The following WWC1 variants were observed in gnomAD, a reference collection of about 807,000 sequenced individuals.
WWC1 encodes protein KIBRA.
Under a neutral mutation model 138.4 loss-of-function variants are expected in WWC1, and 55 were observed. The observed-to-expected ratio is 0.40, with a 90% confidence interval of 0.32 to 0.50. The LOEUF (loss-of-function observed/expected upper bound fraction) is 0.50, where lower values mean the gene tolerates loss of function less well. Among genes scored for constraint, WWC1 ranks in the 20% least tolerant of loss-of-function variants. The probability of loss-of-function intolerance (pLI) is 0.72; values close to 1 mark genes in which losing one functional copy is unlikely to be tolerated. For missense variants in WWC1, 1,226 were observed against 1,420.4 expected (o/e 0.86, Z 2.20); for synonymous variants, 524 against 564.9 (o/e 0.93, Z 1.03).
chr5:168,429,431 G>A (rs761783310), intron 13 of WWC1, among the ~76,000 whole-genome samples: 12 of 151,660 alleles, frequency 7.9e-5, no homozygotes, highest in Non-Finnish European at 1.6e-4. Context: ...GCTAACTTTT[G>A]TATTTTTAAT....
intron 20 of WWC1, among the ~76,000 whole-genome samples, chr5:168,463,267 A>G (rs894314179): frequency 8.5e-5 from 13 of 152,186 alleles, no homozygotes; most frequent in African/African-American, 3.1e-4. Context: ...ATGGCCACAT[A>G]CTCATCTGGA....
chr5:168,407,289 C>G (rs141223259), intron 6 of WWC1, among the ~76,000 whole-genome samples: 8 of 152,078 alleles, frequency 5.3e-5, no homozygotes, highest in Middle Eastern at 3.4e-3. Context: ...TGTCTCATCT[C>G]TTAAATCAAC....
chr5:168,378,455 A>G (rs569863412), intron 2 of WWC1, among the ~76,000 whole-genome samples: 1 of 152,306 alleles, frequency 6.6e-6, no homozygotes, highest in East Asian at 1.9e-4. Context: ...AATAAAACAC[A>G]TAATGGAAGT....
intron 1 of WWC1, among the ~76,000 whole-genome samples, chr5:168,345,985 G>A (rs1774436902): frequency 6.6e-6 from 1 of 151,732 alleles, no homozygotes; most frequent in African/African-American, 2.4e-5. Context: ...GCGAGCCTGC[G>A]GGGACCCTGT....
chr5:168,385,970 C>T (rs1362779159), intron 3 of WWC1, among the ~76,000 whole-genome samples: 2 of 152,154 alleles, frequency 1.3e-5, no homozygotes, highest in Non-Finnish European at 2.9e-5. Context: ...ATCTCATGCC[C>T]TCCTCACTAG....
chr5:168,360,322 C>T (rs1236920917), intron 1 of WWC1, among the ~76,000 whole-genome samples: 1 of 152,114 alleles, frequency 6.6e-6, no homozygotes, highest in Non-Finnish European at 1.5e-5. Context: ...TTGGATAGTG[C>T]CTGGCATTTT....
At chr5:168,387,454 G>A (rs1279898693) in intron 3 of WWC1, among the ~76,000 whole-genome samples, 1 of 152,206 alleles carries the variant, frequency 6.6e-6, no homozygotes, top group Non-Finnish European at 1.5e-5. Context: ...TCTGTGTCAA[G>A]TAATGTTCTG....
chr5:168,297,626 CAAAAAAAA>C (rs70976474), intron 1 of WWC1, among the ~76,000 whole-genome samples: 12 of 54,778 alleles, frequency 2.2e-4, no homozygotes, highest in Non-Finnish European at 3.7e-4. Context: ...AACTCCATCT[CAAAAAAAA>C]AAAAAAAAAA....
chr5:168,352,937 G>T (rs1281719154), intron 1 of WWC1, among the ~76,000 whole-genome samples: 1 of 152,120 alleles, frequency 6.6e-6, no homozygotes, highest in Non-Finnish European at 1.5e-5. Context: ...GATTGCTGTG[G>T]GGATTAAATG....
intron 1 of WWC1, among the ~76,000 whole-genome samples, chr5:168,366,802 CTTTTTTTTTTTT>C (rs202012790): frequency 2.0e-5 from 2 of 100,568 alleles, no homozygotes; most frequent in Admixed American, 1.1e-4. Flanking sequence ...CTTTGAAACA[CTTTTTTTTTTTT>C]TTTTTTTTTT....
chr5:168,417,098 C>T (rs529944513), intron 9 of WWC1, among the ~76,000 whole-genome samples: 181 of 152,252 alleles, frequency 1.2e-3, no homozygotes, highest in African/African-American at 4.3e-3. Flanking sequence ...AACTCCTGAC[C>T]TCAGGTGATC....
chr5:168,379,908 A>G (rs1171782095), intron 2 of WWC1, among the ~76,000 whole-genome samples: 1 of 152,240 alleles, frequency 6.6e-6, no homozygotes, highest in African/African-American at 2.4e-5. Context: ...AACATCTAGA[A>G]GAAAACATAG....
chr5:168,366,802 C>CTTTTTTTTT (rs202012790), intron 1 of WWC1, among the ~76,000 whole-genome samples: 7 of 100,570 alleles, frequency 7.0e-5, no homozygotes, highest in South Asian at 4.1e-4. Flanking sequence ...CTTTGAAACA[C>CTTTTTTTTT]TTTTTTTTTT....
intron 2 of WWC1, among the ~76,000 whole-genome samples, chr5:168,380,631 C>T (rs893472986): frequency 4.6e-5 from 7 of 152,068 alleles, no homozygotes; most frequent in Non-Finnish European, 8.8e-5. Flanking sequence ...TTATGAAATT[C>T]GACATATACT....
At chr5:168,468,393 G>A (rs1449426616) in intron 22 of WWC1, among the ~76,000 whole-genome samples, 1 of 151,958 alleles carries the variant, frequency 6.6e-6, no homozygotes, top group African/African-American at 2.4e-5. Flanking sequence ...TATTCTCGGA[G>A]GGTCCCGAAT....
intron 1 of WWC1, among the ~76,000 whole-genome samples, chr5:168,321,124 A>G (rs1772037788): frequency 1.3e-5 from 2 of 152,084 alleles, no homozygotes; most frequent in Non-Finnish European, 2.9e-5. Flanking sequence ...GCCTCCATAC[A>G]GTGCCGTATT....
Position 168,459,125 on chromosome 5 carries a change from G to A in WWC1, c.2824-1525G>A, listed in dbSNP as rs557269006. 9.2e-5 allele frequency among the ~76,000 whole-genome samples: 14 copies of A among 152,024 alleles called. 1 individual carries two copies. Among genetic ancestry groups the A allele is most frequent in the South Asian group, 8.3e-4 (4 of 4,798 alleles). On this transcript the variant is annotated intron_variant, in intron 19 of 22. Transcript: ENST00000265293. ...AAAAATTATCCGGGCACAGTGGCAC[G>A]TGCCTTTAGTCCCAGCTACTTGAGA...
chr5:168,298,784 TAGAAAGGTTA>T (rs1050597063), intron 1 of WWC1, among the ~76,000 whole-genome samples: 1 of 152,076 alleles, frequency 6.6e-6, no homozygotes, highest in Non-Finnish European at 1.5e-5. Context: ...AACTGAAATT[TAGAAAGGTTA>T]AGTAACCGGC....
chr5:168,415,394 T>C (rs1391865247), intron 9 of WWC1: 1 of 152,218 alleles, frequency 6.6e-6, no homozygotes, highest in Non-Finnish European at 1.5e-5. Flanking sequence ...GGGCCTGATA[T>C]AACCTAAAAG....
Sources: allele counts gnomAD v4.1 joint callset (sites outside exome capture counted in the v4.1 genomes callset), GRCh38; gene constraint gnomAD v4.1.1; transcripts MANE v1.5; gene names NCBI Gene and HGNC (gene_info 2026-07-23, HGNC 2026-07-21).